The following CNBD1 variants were observed in gnomAD, a reference collection of about 807,000 sequenced individuals.
The protein encoded by CNBD1 is cyclic nucleotide-binding domain-containing protein 1.
Under a neutral mutation model 54.4 loss-of-function variants are expected in CNBD1, and 71 were observed. The observed-to-expected ratio is 1.30, with a 90% confidence interval of 1.08 to 1.59. The LOEUF is 1.59. Ranked by LOEUF, CNBD1 falls within the 40% of genes most tolerant of loss-of-function variation. CNBD1 has a pLI of 0.00. For synonymous variants in CNBD1, 182 were observed against 170.7 expected (o/e 1.07, Z -0.51); for missense variants, 659 against 518.0 (o/e 1.27, Z -2.64).
intron 4 of CNBD1, among the ~76,000 whole-genome samples, chr8:86,955,106 A>G (rs192647026): frequency 1.3e-5 from 2 of 151,658 alleles, no homozygotes; most frequent in African/African-American, 4.8e-5. Flanking sequence ...TCCTTGCAAT[A>G]GTTTGCTGAG....
intron 4 of CNBD1, among the ~76,000 whole-genome samples, chr8:87,188,820 C>A (rs1170150441): frequency 1.6e-5 from 2 of 128,584 alleles, no homozygotes; most frequent in African/African-American, 5.8e-5. Flanking sequence ...AGTAAAGCGT[C>A]TTTTTTTTTT....
chr8:87,368,287 C>A (rs1298563648), intron 10 of CNBD1, among the ~76,000 whole-genome samples: 1 of 151,782 alleles, frequency 6.6e-6, no homozygotes, highest in Non-Finnish European at 1.5e-5. Flanking sequence ...ACAATATATC[C>A]CAATAAATCT....
chr8:87,314,010 C>A (rs188395861), intron 8 of CNBD1, among the ~76,000 whole-genome samples: 1 of 151,854 alleles, frequency 6.6e-6, no homozygotes, highest in South Asian at 2.1e-4. Context: ...AGAGATCCCT[C>A]CAGAGTACCA....
intron 2 of CNBD1, among the ~76,000 whole-genome samples, chr8:87,400,241 G>C (rs1807530174): frequency 6.6e-6 from 1 of 151,762 alleles, no homozygotes. Flanking sequence ...TTGCATTTTT[G>C]CCATTACTTT....
chr8:87,374,412 A>G (rs1178069240), intron 10 of CNBD1, among the ~76,000 whole-genome samples: 3 of 151,904 alleles, frequency 2.0e-5, no homozygotes, highest in African/African-American at 7.2e-5. Flanking sequence ...TACCACATTT[A>G]AGATAGTTCC....
intron 2 of CNBD1, among the ~76,000 whole-genome samples, chr8:87,413,134 T>C (rs891415712): frequency 2.6e-5 from 4 of 152,006 alleles, no homozygotes; most frequent in African/African-American, 7.2e-5. Context: ...TGAGGAGATA[T>C]GCGGCCTTAT....
intron 4 of CNBD1, among the ~76,000 whole-genome samples, chr8:87,057,490 G>C (rs1279048309): frequency 6.6e-6 from 1 of 152,100 alleles, no homozygotes; most frequent in Non-Finnish European, 1.5e-5. Flanking sequence ...TATTTCAGTG[G>C]GGACACAGCC....
At chr8:87,056,352 A>G (rs1388613324) in intron 4 of CNBD1, among the ~76,000 whole-genome samples, 2 of 152,206 alleles carry the variant, frequency 1.3e-5, no homozygotes, top group Non-Finnish European at 2.9e-5. Context: ...CCATGGGGGC[A>G]ACACACAACT....
intron 4 of CNBD1, among the ~76,000 whole-genome samples, chr8:87,119,301 C>A (rs1026045706): frequency 6.7e-6 from 1 of 149,456 alleles, no homozygotes; most frequent in African/African-American, 2.5e-5. Flanking sequence ...CCTTTTACTT[C>A]TTGGGTTAAA....
At chr8:87,139,135 C>G (rs1207116261) in intron 4 of CNBD1, among the ~76,000 whole-genome samples, 1 of 152,190 alleles carries the variant, frequency 6.6e-6, no homozygotes, top group Non-Finnish European at 1.5e-5. Flanking sequence ...ATAATCCCTG[C>G]AATTCCTTTG....
At chr8:87,022,953 C>A (rs1176524944) in intron 4 of CNBD1, among the ~76,000 whole-genome samples, 1 of 152,082 alleles carries the variant, frequency 6.6e-6, no homozygotes, top group Non-Finnish European at 1.5e-5. Context: ...CTATCATGAA[C>A]CCAGGTGCTT....
chr8:87,052,590 T>C (rs1810333184), intron 4 of CNBD1, among the ~76,000 whole-genome samples: 1 of 152,208 alleles, frequency 6.6e-6, no homozygotes, highest in South Asian at 2.1e-4. Flanking sequence ...GAAATGGAGT[T>C]TCTTGTTCCT....
intron 4 of CNBD1, among the ~76,000 whole-genome samples, chr8:87,011,819 C>G (rs73273620): frequency 0.023 from 3,537 of 152,056 alleles, 140 homozygotes; most frequent in African/African-American, 0.078. Context: ...AATTGAAACT[C>G]TGGAGAAGAT....
chr8:87,330,123 G>T (rs780852456), intron 8 of CNBD1, among the ~76,000 whole-genome samples: 16 of 151,346 alleles, frequency 1.1e-4, no homozygotes, highest in Non-Finnish European at 2.2e-4. Context: ...TCAAATTTGT[G>T]GGCATAATTA....
At chr8:87,206,803 T>C (rs1217965103) in intron 5 of CNBD1, among the ~76,000 whole-genome samples, 1 of 152,148 alleles carries the variant, frequency 6.6e-6, no homozygotes, top group African/African-American at 2.4e-5. Flanking sequence ...GAAAAATAAA[T>C]GAAGGAAGAT....
At chr8:87,174,583 C>G (rs1434925300) in intron 4 of CNBD1, among the ~76,000 whole-genome samples, 3 of 152,026 alleles carry the variant, frequency 2.0e-5, no homozygotes, top group African/African-American at 4.8e-5. Context: ...TCCCTGGTGC[C>G]TTTTTTAGTT....
chr8:87,353,225 CT>C (rs1451168056), intron 9 of CNBD1, among the ~76,000 whole-genome samples: 3 of 150,728 alleles, frequency 2.0e-5, no homozygotes, highest in Admixed American at 6.6e-5. Flanking sequence ...CTGGCATTTT[CT>C]GCTTATTTTC....
intron 4 of CNBD1, among the ~76,000 whole-genome samples, chr8:86,985,320 G>A (rs1050270352): frequency 1.3e-5 from 2 of 152,004 alleles, no homozygotes; most frequent in Admixed American, 1.3e-4. Context: ...TTAAGGTTTG[G>A]GTTATTGATC....
chr8:87,133,759 T>C (rs1812169869), intron 4 of CNBD1, among the ~76,000 whole-genome samples: 2 of 152,196 alleles, frequency 1.3e-5, no homozygotes, highest in Non-Finnish European at 2.9e-5. Context: ...GAATGAGCTA[T>C]ATAATTATGT....
Sources: gnomAD v4.1 joint callset for allele counts (sites outside exome capture counted in the v4.1 genomes callset) on GRCh38, gnomAD v4.1.1 for gene constraint, MANE v1.5 for transcripts, NCBI Gene and HGNC (gene_info 2026-07-23, HGNC 2026-07-21) for gene names.